Variants in LRRTM4 observed in about 807,000 individuals in gnomAD.
LRRTM4 encodes leucine-rich repeat transmembrane neuronal protein 4.
A neutral mutation model predicts 47.6 loss-of-function variants in LRRTM4; 25 were observed. The observed-to-expected ratio is 0.53, with a 90% CI of 0.38 to 0.73. The LOEUF (loss-of-function observed/expected upper bound fraction) is 0.73, where lower values mean the gene tolerates loss of function less well. Ranked by LOEUF, LRRTM4 falls within the 30% of genes least tolerant of loss-of-function variation. The probability of loss-of-function intolerance (pLI) is 0.00; values close to 1 mark genes in which losing one functional copy is unlikely to be tolerated. For synonymous variants in LRRTM4, 311 were observed against 269.5 expected (o/e 1.15, Z -1.51); for missense variants, 638 against 713.4 (o/e 0.89, Z 1.20).
At chr2:77,342,327 C>T (rs1170951483) in intron 3 of LRRTM4, among the ~76,000 whole-genome samples, 1 of 151,824 alleles carries the variant, frequency 6.6e-6, no homozygotes, top group Non-Finnish European at 1.5e-5. Flanking sequence ...CTGTGCAGGT[C>T]AGGAATTTTT....
At chr2:76,769,064 C>T (rs1673576682) in intron 3 of LRRTM4, among the ~76,000 whole-genome samples, 1 of 152,094 alleles carries the variant, frequency 6.6e-6, no homozygotes, top group African/African-American at 2.4e-5. Flanking sequence ...TCTTTGAGGG[C>T]CTCCTCATAA....
chr2:77,218,213 C>T (rs1297987785), intron 3 of LRRTM4, among the ~76,000 whole-genome samples: 1 of 152,090 alleles, frequency 6.6e-6, no homozygotes, highest in Non-Finnish European at 1.5e-5. Context: ...AGGCTGGTCT[C>T]GAACTCCCCA....
intron 3 of LRRTM4, among the ~76,000 whole-genome samples, chr2:76,906,367 A>G (rs1673838695): frequency 6.6e-6 from 1 of 152,202 alleles, no homozygotes; most frequent in Non-Finnish European, 1.5e-5. Flanking sequence ...GGAAAGGAAC[A>G]ACCAGTACCA....
At chr2:77,464,401 AT>A (rs1203078274) in intron 3 of LRRTM4, among the ~76,000 whole-genome samples, 1 of 152,178 alleles carries the variant, frequency 6.6e-6, no homozygotes, top group Non-Finnish European at 1.5e-5. Context: ...AAATAGTCAC[AT>A]TAAAAATGTA....
intron 3 of LRRTM4, among the ~76,000 whole-genome samples, chr2:77,379,527 C>G (rs981059862): frequency 2.0e-5 from 3 of 152,104 alleles, no homozygotes; most frequent in African/African-American, 7.2e-5. Context: ...ATCTCCCTCA[C>G]TAGTTTCTGC....
chr2:77,429,925 G>C (rs1032702846), intron 3 of LRRTM4, among the ~76,000 whole-genome samples: 2 of 152,066 alleles, frequency 1.3e-5, no homozygotes, highest in African/African-American at 2.4e-5. Context: ...AATTAGCCAG[G>C]CATGGTGGCA....
intron 3 of LRRTM4, among the ~76,000 whole-genome samples, chr2:76,884,572 T>C (rs1204906999): frequency 6.6e-6 from 1 of 152,128 alleles, no homozygotes; most frequent in Admixed American, 6.6e-5. Context: ...GAATGTAAAA[T>C]TGTACATAAA....
In LRRTM4 at chr2:77,487,669, C is replaced by A. The variant is rs80190024; in HGVS notation, c.1551+30649G>T. ...GCCCCACCTTCAGGCCACCAAAGGC[C>A]GAAGCCCCACCTTCAGGCCACCAAA... On this transcript the variant is annotated intron_variant, in intron 3 of 3. Coordinates refer to ENST00000409884, the MANE Select transcript of LRRTM4 (RefSeq NM_001134745.3). Among the ~76,000 whole-genome samples the A allele has an allele frequency of 2.0e-5, 3 of 152,086 alleles. No individual in the cohort carries two copies. In the South Asian group the frequency reaches 6.2e-4, roughly 32 times the overall value.
At chr2:76,784,035 AAACATAAAT>A (rs1480813395) in intron 3 of LRRTM4, among the ~76,000 whole-genome samples, 1 of 152,144 alleles carries the variant, frequency 6.6e-6, no homozygotes, top group Admixed American at 6.5e-5. Flanking sequence ...GAAAGTGAGA[AAACATAAAT>A]AATTATTTTT....
intron 3 of LRRTM4, among the ~76,000 whole-genome samples, chr2:76,905,662 T>G (rs13420987): frequency 0.61 from 37,058 of 60,660 alleles, 7,051 homozygotes; most frequent in East Asian, 0.77. Context: ...AGGAGCTGAC[T>G]GAGCTGAAAC....
At chr2:77,259,781 G>C (rs758014871) in intron 3 of LRRTM4, among the ~76,000 whole-genome samples, 2 of 152,022 alleles carry the variant, frequency 1.3e-5, no homozygotes, top group Non-Finnish European at 2.9e-5. Flanking sequence ...TCATATGCAA[G>C]GCCAAGAGAA....
At chr2:76,844,522 C>T (rs1671782612) in intron 3 of LRRTM4, among the ~76,000 whole-genome samples, 1 of 152,116 alleles carries the variant, frequency 6.6e-6, no homozygotes, top group Non-Finnish European at 1.5e-5. Context: ...TTTCAATTTC[C>T]ATATCTGTAT....
At chr2:77,068,105 T>G (rs772588488) in intron 3 of LRRTM4, among the ~76,000 whole-genome samples, 22 of 152,270 alleles carry the variant, frequency 1.4e-4, no homozygotes, top group Admixed American at 7.8e-4. Flanking sequence ...TAGAGACTAT[T>G]TCATTTTTCA....
intron 3 of LRRTM4, among the ~76,000 whole-genome samples, chr2:76,962,344 G>A (rs1675887826): frequency 6.6e-6 from 1 of 151,056 alleles, no homozygotes; most frequent in African/African-American, 2.4e-5. Context: ...TACAAATGTG[G>A]CAAACTCACA....
intron 3 of LRRTM4, among the ~76,000 whole-genome samples, chr2:76,959,374 A>T (rs758095062): frequency 1.1e-4 from 17 of 151,576 alleles, no homozygotes; most frequent in Non-Finnish European, 2.4e-4. Context: ...GAAAAATATC[A>T]CATCAGTATT....
At chr2:76,985,564 A>G (rs1676765569) in intron 3 of LRRTM4, among the ~76,000 whole-genome samples, 1 of 151,952 alleles carries the variant, frequency 6.6e-6, no homozygotes, top group African/African-American at 2.4e-5. Flanking sequence ...TCCTGAGACT[A>G]AAGTTGCTAG....
chr2:77,484,627 A>G (rs1439708236), intron 3 of LRRTM4, among the ~76,000 whole-genome samples: 1 of 152,230 alleles, frequency 6.6e-6, no homozygotes, highest in East Asian at 1.9e-4. Flanking sequence ...GTTTAAATGC[A>G]TAATTATGGT....
chr2:77,140,285 C>A (rs970450971), intron 3 of LRRTM4, among the ~76,000 whole-genome samples: 1 of 152,100 alleles, frequency 6.6e-6, no homozygotes. Context: ...AGATATAGAC[C>A]AGTGGAACAG....
intron 3 of LRRTM4, among the ~76,000 whole-genome samples, chr2:76,891,844 AG>A (rs1488495660): frequency 6.6e-6 from 1 of 151,760 alleles, no homozygotes; most frequent in Non-Finnish European, 1.5e-5. Flanking sequence ...GATGCAAAAA[AG>A]ATAAAAGATT....
Sources: allele counts gnomAD v4.1 joint callset (sites outside exome capture counted in the v4.1 genomes callset), GRCh38; gene constraint gnomAD v4.1.1; transcripts MANE v1.5; gene names NCBI Gene and HGNC (gene_info 2026-07-23, HGNC 2026-07-21).